The following SCHIP1 variants were observed in gnomAD, a reference collection of about 807,000 sequenced individuals.
The protein encoded by SCHIP1 is schwannomin interacting protein 1, also known as schwannomin-interacting protein 1.
SCHIP1 carries 8 observed loss-of-function variants against 29.7 expected under a neutral mutation model. That is an observed-to-expected ratio of 0.27 (90% CI 0.16 to 0.49). The LOEUF is 0.49. SCHIP1 is among the 20% of genes least tolerant of loss of function. The pLI, the probability that SCHIP1 is intolerant of heterozygous loss-of-function variation, is 0.99. For missense variants in SCHIP1, 193 were observed against 294.6 expected (o/e 0.66, Z 2.52); for synonymous variants, 76 against 94.9 (o/e 0.80, Z 1.16).
intron 2 of SCHIP1, among the ~76,000 whole-genome samples, chr3:159,871,693 C>T (rs1313228583): frequency 7.2e-6 from 1 of 138,924 alleles, no homozygotes; most frequent in African/African-American, 2.5e-5. Flanking sequence ...CATTTTAAAC[C>T]TGGCTGCCAA....
the SCHIP1 span, among the ~76,000 whole-genome samples, chr3:159,733,199 G>A: frequency 1.3e-5 from 2 of 152,076 alleles, no homozygotes; most frequent in African/African-American, 4.8e-5. Flanking sequence ...TTACTGCTCC[G>A]TCATTTACTA....
chr3:159,885,435 G>A (rs2109426571), intron 2 of SCHIP1, among the ~76,000 whole-genome samples: 1 of 152,342 alleles, frequency 6.6e-6, no homozygotes. Flanking sequence ...CCTGCGAGTG[G>A]CAGCTACACG....
the SCHIP1 span, among the ~76,000 whole-genome samples, chr3:159,742,698 C>A: frequency 6.6e-6 from 1 of 151,452 alleles, no homozygotes; most frequent in Admixed American, 6.6e-5. Context: ...GACAGAGTCT[C>A]GCTCCATCAC....
the SCHIP1 span, among the ~76,000 whole-genome samples, chr3:159,712,846 A>AAGAAAGAAAGAAAGAAAGAAAGAAAG: frequency 6.8e-6 from 1 of 147,778 alleles, no homozygotes; most frequent in African/African-American, 2.5e-5. Context: ...GAAAGAAAGA[A>AAGAAAGAAAGAAAGAAAGAAAGAAAG]AGAGAGAGAG....
chr3:159,480,371 G>A, the SCHIP1 span, among the ~76,000 whole-genome samples: 2 of 152,126 alleles, frequency 1.3e-5, no homozygotes, highest in African/African-American at 4.8e-5. Context: ...AAGTTGCCCA[G>A]TAGTTGTTCC....
At chr3:159,355,660 C>T in the SCHIP1 span, among the ~76,000 whole-genome samples, 1 of 151,954 alleles carries the variant, frequency 6.6e-6, no homozygotes. Context: ...ATTGATTCCT[C>T]CTGGCCCCTC....
the SCHIP1 span, among the ~76,000 whole-genome samples, chr3:159,803,173 GTGTA>G: frequency 6.8e-6 from 1 of 146,414 alleles, no homozygotes; most frequent in Non-Finnish European, 1.5e-5. Flanking sequence ...GCTAAAAGGT[GTGTA>G]TGTGTGTGTG....
chr3:159,615,076 T>C, the SCHIP1 span, among the ~76,000 whole-genome samples: 1 of 152,168 alleles, frequency 6.6e-6, no homozygotes, highest in Non-Finnish European at 1.5e-5. Context: ...TACAATGCTT[T>C]GGTTAACTCT....
the SCHIP1 span, among the ~76,000 whole-genome samples, chr3:159,370,841 A>G: frequency 6.6e-6 from 1 of 152,114 alleles, no homozygotes. Flanking sequence ...AGGCCTTCAG[A>G]ATCAGACTGG....
chr3:159,445,182 A>C, the SCHIP1 span, among the ~76,000 whole-genome samples: 1 of 152,208 alleles, frequency 6.6e-6, no homozygotes, highest in Admixed American at 6.5e-5. Flanking sequence ...ATTTACAAGA[A>C]AAAAACAAAC....
the SCHIP1 span, chr3:159,375,685 C>T: frequency 9.5e-6 from 4 of 420,124 alleles, no homozygotes; most frequent in South Asian, 9.9e-5. Context: ...TGCAGTGAGC[C>T]GAGATCATGC....
the SCHIP1 span, among the ~76,000 whole-genome samples, chr3:159,477,920 C>CT: frequency 0.38 from 37,741 of 98,104 alleles, 8,026 homozygotes; most frequent in East Asian, 0.41. Flanking sequence ...CATTTTAAAT[C>CT]TTTTTTTTTT....
chr3:159,598,984 C>G, the SCHIP1 span, among the ~76,000 whole-genome samples: 1 of 151,864 alleles, frequency 6.6e-6, no homozygotes, highest in Non-Finnish European at 1.5e-5. Context: ...CTTTTTTTTA[C>G]TCTTCTTGAC....
chr3:159,571,959 G>C, the SCHIP1 span, among the ~76,000 whole-genome samples: 2 of 152,100 alleles, frequency 1.3e-5, no homozygotes. Context: ...ATTTCTGTGG[G>C]ATCGGTGGTG....
At chr3:159,636,648 G>A in the SCHIP1 span, among the ~76,000 whole-genome samples, 1 of 152,146 alleles carries the variant, frequency 6.6e-6, no homozygotes, top group Admixed American at 6.5e-5. Context: ...TGCCAACCCA[G>A]CAGGATCTGA....
chr3:159,500,643 G>T, the SCHIP1 span, among the ~76,000 whole-genome samples: 15 of 152,038 alleles, frequency 9.9e-5, 1 homozygote, highest in African/African-American at 3.4e-4. Context: ...GAACCTGGGA[G>T]GCAGAGCTTG....
chr3:159,499,592 T>G, the SCHIP1 span, among the ~76,000 whole-genome samples: 2 of 152,278 alleles, frequency 1.3e-5, no homozygotes, highest in African/African-American at 4.8e-5. Flanking sequence ...ATTATCAGCA[T>G]CACCTGGGAA....
the SCHIP1 span, among the ~76,000 whole-genome samples, chr3:159,604,605 C>T: frequency 1.3e-5 from 2 of 152,138 alleles, no homozygotes; most frequent in African/African-American, 4.8e-5. Flanking sequence ...TTCAAGTAAA[C>T]CAGCAATTGA....
chr3:159,655,034 G>C, the SCHIP1 span, among the ~76,000 whole-genome samples: 1 of 152,072 alleles, frequency 6.6e-6, no homozygotes, highest in Non-Finnish European at 1.5e-5. Context: ...TGTCCCTATT[G>C]AGCACAGTAC....
Sources: allele counts gnomAD v4.1 joint callset (sites outside exome capture counted in the v4.1 genomes callset), GRCh38; gene constraint gnomAD v4.1.1; transcripts MANE v1.5; gene names NCBI Gene and HGNC (gene_info 2026-07-23, HGNC 2026-07-21).